Variants in ASTN2 observed in about 807,000 individuals in gnomAD.
The protein encoded by ASTN2 is astrotactin 2, also known as astrotactin-2.
Under a neutral mutation model 139.8 loss-of-function variants are expected in ASTN2, and 54 were observed. The ratio of observed to expected loss-of-function variants is 0.39; its 90% confidence interval spans 0.31 to 0.48. ASTN2 has a LOEUF of 0.48. ASTN2 is among the 20% of genes least tolerant of loss of function. ASTN2 has a pLI of 0.95. For synonymous variants in ASTN2, 756 were observed against 719.5 expected, an observed-to-expected ratio of 1.05 and a Z score of -0.81; for missense variants, 1,565 against 1,725.1, an observed-to-expected ratio of 0.91 and a Z score of 1.64.
At chr9:116,968,038 C>G (rs907136987) in intron 10 of ASTN2, among the ~76,000 whole-genome samples, 1 of 152,180 alleles carries the variant, frequency 6.6e-6, no homozygotes, top group Non-Finnish European at 1.5e-5. Flanking sequence ...CATTGAATAT[C>G]AGTTACATGT....
At chr9:117,016,897 C>G (rs1837730590) in intron 6 of ASTN2, among the ~76,000 whole-genome samples, 1 of 150,196 alleles carries the variant, frequency 6.7e-6, no homozygotes, top group Non-Finnish European at 1.5e-5. Context: ...AGTGCTGTGC[C>G]CAAATTTGCT....
intron 16 of ASTN2, among the ~76,000 whole-genome samples, chr9:116,706,225 A>G (rs933176352): frequency 5.9e-5 from 9 of 152,282 alleles, no homozygotes; most frequent in African/African-American, 2.2e-4. Context: ...ATTCTGAAAT[A>G]ATATCAAATT....
At chr9:117,136,585 T>C (rs966289790) in intron 4 of ASTN2, among the ~76,000 whole-genome samples, 1 of 152,086 alleles carries the variant, frequency 6.6e-6, no homozygotes, top group African/African-American at 2.4e-5. Context: ...GGGAGGAACA[T>C]GGCCAAATTT....
chr9:117,275,061 C>A (rs771927466), intron 2 of ASTN2, among the ~76,000 whole-genome samples: 2 of 152,208 alleles, frequency 1.3e-5, no homozygotes, highest in African/African-American at 2.4e-5. Context: ...TGTGAATAAT[C>A]ATTAACCACC....
chr9:117,003,599 A>G (rs1056606287), intron 7 of ASTN2, among the ~76,000 whole-genome samples: 2 of 127,990 alleles, frequency 1.6e-5, no homozygotes, highest in African/African-American at 5.9e-5. Flanking sequence ...TTATTTTTCA[A>G]ACTGGCTAAC....
chr9:117,156,169 C>A (rs1167249950), intron 3 of ASTN2, among the ~76,000 whole-genome samples: 1 of 152,006 alleles, frequency 6.6e-6, no homozygotes, highest in Non-Finnish European at 1.5e-5. Context: ...TATAGCTGCA[C>A]CCCAGGCTCC....
chr9:117,141,594 C>A, intron 3 of ASTN2, 116 bp from the exon 4 acceptor site: 1 of 936,194 alleles, frequency 1.1e-6, no homozygotes, highest in South Asian at 1.6e-5. Context: ...CTAGACCTGG[C>A]CACCCTAATT....
At chr9:117,403,915 T>TGGGGAGGA (rs537325260) in intron 1 of ASTN2, among the ~76,000 whole-genome samples, 119 of 151,960 alleles carry the variant, frequency 7.8e-4, no homozygotes, top group African/African-American at 2.8e-3. Flanking sequence ...TTTGCCTTGC[T>TGGGGAGGA]GGGGAGGAGG....
chr9:116,524,010 C>T (rs1850988504), intron 19 of ASTN2, among the ~76,000 whole-genome samples: 1 of 151,914 alleles, frequency 6.6e-6, no homozygotes, highest in Non-Finnish European at 1.5e-5. Context: ...CATTTTTTTT[C>T]CTCTAATCAC....
At position 117,008,077 on chromosome 9, in the gene ASTN2, G is replaced by A. The variant is rs201903237; in HGVS notation, c.1591+15C>T. Reference sequence around the variant, plus strand: ...TCTCCCACCTTCTATCCCCATCCCGGCTCCCATGGCTCACCGGTTTCTGGG... The same window carrying A: ...TCTCCCACCTTCTATCCCCATCCCGACTCCCATGGCTCACCGGTTTCTGGG... On this transcript the variant is annotated intron_variant, in intron 7 of 22. Coordinates refer to ENST00000313400, the MANE Select transcript of ASTN2 (RefSeq NM_001365068.1). The A allele has an allele frequency of 1.6e-4, 252 of 1,566,276 alleles. No individual in the cohort carries two copies. The highest frequency in any genetic ancestry group is 2.0e-4 in the Non-Finnish European group (236 of 1,153,706).
intron 6 of ASTN2, among the ~76,000 whole-genome samples, chr9:117,008,858 C>T (rs1322802646): frequency 6.6e-6 from 1 of 152,050 alleles, no homozygotes; most frequent in African/African-American, 2.4e-5. Flanking sequence ...CCTCACCTAG[C>T]TTGTGTTGTT....
intron 1 of ASTN2, among the ~76,000 whole-genome samples, chr9:117,349,312 TAAATGAGAAAA>T (rs79210668): frequency 0.23 from 34,922 of 151,948 alleles, 4,712 homozygotes; most frequent in East Asian, 0.54. Flanking sequence ...GTTCCCTTAT[TAAATGAGAAAA>T]AAATGAGGGC....
intron 13 of ASTN2, among the ~76,000 whole-genome samples, chr9:116,778,139 T>G (rs1206294333): frequency 6.6e-6 from 1 of 152,084 alleles, no homozygotes; most frequent in African/African-American, 2.4e-5. Flanking sequence ...GCCTGTAAAT[T>G]GCATTTCTAA....
intron 2 of ASTN2, among the ~76,000 whole-genome samples, chr9:117,268,357 A>G (rs918603685): frequency 4.6e-5 from 7 of 152,230 alleles, no homozygotes; most frequent in Non-Finnish European, 7.3e-5. Flanking sequence ...ACTTACCAGC[A>G]TCATCTTCTG....
intron 16 of ASTN2, among the ~76,000 whole-genome samples, chr9:116,655,534 C>T (rs749597747): frequency 2.0e-5 from 3 of 152,134 alleles, no homozygotes; most frequent in Non-Finnish European, 4.4e-5. Context: ...CTCTCTCAAT[C>T]GTGGCACAGG....
At chr9:117,101,517 G>T (rs1029110181) in intron 4 of ASTN2, among the ~76,000 whole-genome samples, 1 of 152,054 alleles carries the variant, frequency 6.6e-6, no homozygotes, top group Non-Finnish European at 1.5e-5. Context: ...TGGTTCTTCT[G>T]GTACCACAGA....
chr9:116,999,667 CT>C (rs1289572312), intron 7 of ASTN2, among the ~76,000 whole-genome samples: 1 of 139,328 alleles, frequency 7.2e-6, no homozygotes, highest in African/African-American at 2.7e-5. Flanking sequence ...TCAAGCAAAT[CT>C]TGTGCCTCAA....
chr9:117,059,275 A>C (rs1046007700), intron 5 of ASTN2, among the ~76,000 whole-genome samples: 1 of 152,210 alleles, frequency 6.6e-6, no homozygotes, highest in Admixed American at 6.5e-5. Flanking sequence ...CCCAGACAGA[A>C]TGTCTTCAAC....
chr9:117,036,130 G>C (rs1165417338), intron 6 of ASTN2, among the ~76,000 whole-genome samples: 1 of 152,098 alleles, frequency 6.6e-6, no homozygotes, highest in South Asian at 2.1e-4. Context: ...ATGAGACTCA[G>C]ATAGCTAACT....
Sources: allele counts gnomAD v4.1 joint callset (sites outside exome capture counted in the v4.1 genomes callset), GRCh38; gene constraint gnomAD v4.1.1; transcripts MANE v1.5; gene names NCBI Gene and HGNC (gene_info 2026-07-23, HGNC 2026-07-21).